Variants in FAH observed in about 807,000 individuals in gnomAD.
FAH encodes the protein fumarylacetoacetate hydrolase, also known as fumarylacetoacetase.
In FAH, 47 loss-of-function variants were observed where a neutral mutation model predicts 55.8. The ratio of observed to expected loss-of-function variants is 0.84; its 90% CI spans 0.67 to 1.07. The LOEUF (loss-of-function observed/expected upper bound fraction) is 1.07, where lower values mean the gene tolerates loss of function less well. Ranked by LOEUF, FAH falls within the 50% of genes least tolerant of loss-of-function variation. The pLI is 0.00. For synonymous variants in FAH, 199 were observed against 207.7 expected (o/e 0.96, Z 0.36); for missense variants, 495 against 545.9 (o/e 0.91, Z 0.93).
chr15:80,161,561 A>G (rs2041148987), intron 4 of FAH, among the ~76,000 whole-genome samples: 1 of 152,140 alleles, frequency 6.6e-6, no homozygotes, highest in African/African-American at 2.4e-5. Flanking sequence ...ATATGCCTAC[A>G]GCTTGCTGGC....
At chr15:80,186,407 G>C, downstream of FAH, 1 of 647,342 alleles carries the variant, frequency 1.5e-6, no homozygotes, top group East Asian at 2.8e-5. Flanking sequence ...GGTGTGTAAA[G>C]CCTCCCTGCC....
At chr15:80,170,073 C>T (rs187979345) in intron 7 of FAH, among the ~76,000 whole-genome samples, 42 of 152,292 alleles carry the variant, frequency 2.8e-4, no homozygotes, top group African/African-American at 1.0e-3. Context: ...ATCTGGGCAG[C>T]CCCCAAGGTG....
intron 1 of FAH, chr15:80,156,220 G>C (rs34053230): frequency 0.11 from 21,683 of 202,770 alleles, 1,432 homozygotes; most frequent in Non-Finnish European, 0.14. Context: ...CTCACCTCTT[G>C]CCTTCTAGGT....
In FAH at chr15:80,153,145, G is replaced by A. The variant is rs199733231; in HGVS notation, c.81+10G>A. The A allele has an allele frequency of 6.2e-7, 1 of 1,606,860 alleles. No individual in the cohort carries two copies. Among genetic ancestry groups the A allele is most frequent in the South Asian group, 1.1e-5 (1 of 90,840 alleles). On this transcript the variant is annotated intron_variant, in intron 1 of 13. Transcript: ENST00000561421. Reference sequence around the variant, plus strand: ...CTCGACCAGAGGCGACGTGAGCAGTGGGGCTTTGGCGTCCGGGCGCGGGGA... The same window carrying A: ...CTCGACCAGAGGCGACGTGAGCAGTAGGGCTTTGGCGTCCGGGCGCGGGGA...
At chr15:80,160,224 G>A in intron 3 of FAH, 186 bp from the exon 4 acceptor site, 1 of 698,820 alleles carries the variant, frequency 1.4e-6, no homozygotes, top group Non-Finnish European at 2.6e-6. Flanking sequence ...GTAGAATATA[G>A]AAACGGCTTC....
chr15:80,168,438 G>A (rs781236899), intron 7 of FAH, 122 bp downstream of exon 7: 71 of 934,204 alleles, frequency 7.6e-5, no homozygotes, highest in Non-Finnish European at 1.1e-4. Flanking sequence ...ATCGGCAGCC[G>A]CTCTGTGTCC....
intron 2 of FAH, among the ~76,000 whole-genome samples, chr15:80,159,097 G>T (rs551099314): frequency 1.3e-5 from 2 of 152,050 alleles, no homozygotes; most frequent in Non-Finnish European, 2.9e-5. Flanking sequence ...AATTAGCTGG[G>T]TGTGGCAGTG....
At chr15:80,176,157 C>T (rs979703999) in intron 10 of FAH, among the ~76,000 whole-genome samples, 1 of 152,176 alleles carries the variant, frequency 6.6e-6, no homozygotes, top group African/African-American at 2.4e-5. Flanking sequence ...GCTGGGATTA[C>T]AGGCATGCGC....
chr15:80,160,216 A>G lies in FAH; in HGVS notation c.315-194A>G, dbSNP rs564961453. On this transcript the variant is annotated intron_variant, in intron 3 of 13. Transcript: ENST00000561421. Reference sequence around the variant, plus strand: ...CTTGTCTAGTCCCATTTCCTAGGGTAGAATATAGAAACGGCTTCAGTGGGT... The same window carrying G: ...CTTGTCTAGTCCCATTTCCTAGGGTGGAATATAGAAACGGCTTCAGTGGGT... The G allele has an allele frequency of 1.3e-5, 9 of 686,384 alleles. No homozygotes were observed. The South Asian group carries it at 1.4e-4, about 11-fold the overall frequency. 42.5% of individuals were successfully genotyped at this position (686,384 alleles called of 1,614,324 possible).
chr15:80,168,207 G>A, intron 6 of FAH, 57 bp from the exon 7 acceptor site: 1 of 1,609,496 alleles, frequency 6.2e-7, no homozygotes, highest in Non-Finnish European at 8.5e-7. Context: ...CCCACACAGA[G>A]AGTTCTGTGG....
intron 1 of FAH, among the ~76,000 whole-genome samples, chr15:80,153,504 A>T (rs532818005): frequency 6.6e-5 from 10 of 152,312 alleles, no homozygotes; most frequent in Non-Finnish European, 2.9e-5. Flanking sequence ...CTCGCCCAAG[A>T]GGCCAGGTCA....
At chr15:80,166,724 C>A (rs1015344221) in intron 5 of FAH, among the ~76,000 whole-genome samples, 1 of 150,134 alleles carries the variant, frequency 6.7e-6, no homozygotes, top group Non-Finnish European at 1.5e-5. Context: ...GCAAGCTTCG[C>A]CTCCCAGGTT....
chr15:80,160,729 G>A (rs1348828134), intron 4 of FAH, among the ~76,000 whole-genome samples: 2 of 152,178 alleles, frequency 1.3e-5, no homozygotes, highest in African/African-American at 4.8e-5. Context: ...ACAGCAAATT[G>A]CTTTCCTTCC....
At chr15:80,161,426 G>A (rs1266547627) in intron 4 of FAH, among the ~76,000 whole-genome samples, 1 of 152,080 alleles carries the variant, frequency 6.6e-6, no homozygotes. Flanking sequence ...ACTGTTGCTA[G>A]TCTAGGCTGT....
At chr15:80,154,056 T>G (rs1452963707) in intron 1 of FAH, among the ~76,000 whole-genome samples, 1 of 152,172 alleles carries the variant, frequency 6.6e-6, no homozygotes, top group Non-Finnish European at 1.5e-5. Flanking sequence ...TGTGGGCCTG[T>G]CTGCGGTAAG....
intron 5 of FAH, among the ~76,000 whole-genome samples, chr15:80,164,547 C>CAT (rs397951661): frequency 2.6e-5 from 4 of 151,994 alleles, no homozygotes; most frequent in Non-Finnish European, 5.9e-5. Flanking sequence ...CACACACACA[C>CAT]GCATGTACAC....
chr15:80,179,423 C>T (rs1004557966), intron 11 of FAH, among the ~76,000 whole-genome samples: 5 of 152,108 alleles, frequency 3.3e-5, no homozygotes, highest in Non-Finnish European at 5.9e-5. Flanking sequence ...TGCAGGGGCT[C>T]GTGGGCAAGA....
At position 80,153,068 on chromosome 15, in the gene FAH, C is replaced by A. The variant is rs2041065023; in HGVS notation, c.14C>A (p.Pro5Gln). Reference protein sequence around the residue: MSFIPVAEDSDFPIH... With the variant: MSFIQVAEDSDFPIH... ...GTGCTCTTCAGCATGTCCTTCATCC[C>A]GGTGGCCGAGGATTCCGACTTCCCC... The change falls in exon 1 of 14, where the codon CCG becomes CAG. Residue 5 changes from proline to glutamine, a missense_variant. Transcript: ENST00000561421. The A allele has an allele frequency of 6.2e-7, 1 of 1,613,768 alleles. No homozygotes were observed. Among genetic ancestry groups the A allele is most frequent in the Non-Finnish European group, 8.5e-7 (1 of 1,180,000 alleles).
intron 9 of FAH, among the ~76,000 whole-genome samples, chr15:80,173,953 T>TG (rs2041262072): frequency 6.6e-6 from 1 of 152,130 alleles, no homozygotes. Context: ...CAACACCCGG[T>TG]GCTGGTCCTG....
Sources: allele counts gnomAD v4.1 joint callset (sites outside exome capture counted in the v4.1 genomes callset), GRCh38; gene constraint gnomAD v4.1.1; transcripts MANE v1.5; gene names NCBI Gene and HGNC (gene_info 2026-07-23, HGNC 2026-07-21).